Variants in RIC3 observed in about 807,000 individuals in gnomAD.
RIC3 encodes RIC3 acetylcholine receptor chaperone, also known as protein RIC-3.
A neutral mutation model predicts 27.3 loss-of-function variants in RIC3; 28 were observed. That is an observed-to-expected ratio of 1.02 (90% CI 0.76 to 1.41). The LOEUF is 1.41. RIC3 is among the 40% of genes most tolerant of loss of function. The pLI is 0.00. For missense variants in RIC3, 501 were observed against 444.7 expected (o/e 1.13, Z -1.14); for synonymous variants, 184 against 160.4 (o/e 1.15, Z -1.11).
chr11:8,129,720 A>G (rs1947456465), intron 4 of RIC3, among the ~76,000 whole-genome samples: 1 of 152,240 alleles, frequency 6.6e-6, no homozygotes, highest in East Asian at 1.9e-4. Context: ...AATACCATTC[A>G]TGGTTAGAAC....
At chr11:8,105,914 G>C (rs141824931), downstream of RIC3, 7 of 151,938 alleles carry the variant, frequency 4.6e-5, no homozygotes, top group East Asian at 1.4e-3. Context: ...GGTCAGGAGG[G>C]TGCAGTATCT....
At chr11:8,149,209 A>AT (rs971961817) in intron 1 of RIC3, among the ~76,000 whole-genome samples, 2 of 150,590 alleles carry the variant, frequency 1.3e-5, no homozygotes, top group Admixed American at 6.6e-5. Context: ...TAAATAAATA[A>AT]ATAATATAAT....
intron 2 of RIC3, chr11:8,139,722 A>G (rs1396164332): frequency 7.0e-6 from 3 of 426,020 alleles, no homozygotes; most frequent in African/African-American, 6.5e-5. Flanking sequence ...ATCCATGTTC[A>G]AGTCCTAGTT....
At chr11:8,120,469 C>T (rs56069405) in intron 5 of RIC3, among the ~76,000 whole-genome samples, 10,078 of 152,044 alleles carry the variant, frequency 0.066, 385 homozygotes, top group South Asian at 0.11. Context: ...TAGGTGGGAA[C>T]TGAACAATGA....
At chr11:8,138,475 C>A in intron 2 of RIC3, 128 bp from the exon 3 acceptor site, 3 of 552,378 alleles carry the variant, frequency 5.4e-6, no homozygotes, top group African/African-American at 1.9e-5. Flanking sequence ...CAAATAGCAA[C>A]ACTAGAGAAA....
chr11:8,149,388 G>C (rs1411641397), intron 1 of RIC3, among the ~76,000 whole-genome samples: 1 of 151,960 alleles, frequency 6.6e-6, no homozygotes, highest in African/African-American at 2.4e-5. Context: ...GCTCCATTTA[G>C]GGAAGTAAGA....
chr11:8,100,035 C>T, the RIC3 span, among the ~76,000 whole-genome samples: 1 of 152,142 alleles, frequency 6.6e-6, no homozygotes, highest in Non-Finnish European at 1.5e-5. Flanking sequence ...TGCCTGAGCA[C>T]TGGCTGCTGT....
At chr11:8,100,465 G>A in the RIC3 span, 1 of 1,546,228 alleles carries the variant, frequency 6.5e-7, no homozygotes, top group South Asian at 1.1e-5. Flanking sequence ...TAGGTAAATA[G>A]ACGCCTCAGG....
intron 1 of RIC3, among the ~76,000 whole-genome samples, chr11:8,145,081 G>A (rs1366082182): frequency 2.1e-5 from 3 of 145,000 alleles, no homozygotes; most frequent in Non-Finnish European, 3.0e-5. Flanking sequence ...CCTAATGCTA[G>A]ATGACGAGTT....
intron 1 of RIC3, among the ~76,000 whole-genome samples, chr11:8,140,762 ATCTATTTGTT>A (rs1948961067): frequency 6.6e-6 from 1 of 152,174 alleles, no homozygotes; most frequent in Non-Finnish European, 1.5e-5. Context: ...ACACTGTGGA[ATCTATTTGTT>A]ACAGCAGTTA....
chr11:8,151,542 C>T lies in RIC3; in HGVS notation c.125-11349G>A, dbSNP rs867149593. 2.4e-3 allele frequency among the ~76,000 whole-genome samples: 324 copies of T among 135,528 alleles called. 2 individuals are homozygous for T. Among genetic ancestry groups the T allele is most frequent in the African/African-American group, 8.9e-3 (297 of 33,422 alleles). The allele number at this position is 135,528 out of a possible 152,430, so 88.9% of individuals were successfully genotyped here. ...CGGAGCTTGCAGTGAGTCGAGATCG[C>T]GCCACTGCACTCCAGCCTGGGCGAC... On this transcript the variant is annotated intron_variant, in intron 1 of 5. Transcript: ENST00000309737.
intron 1 of RIC3, among the ~76,000 whole-genome samples, chr11:8,163,063 ACACACC>A (rs879488778): frequency 0.013 from 1,828 of 146,174 alleles, 31 homozygotes; most frequent in African/African-American, 0.039. Flanking sequence ...ACACACACAC[ACACACC>A]CCCCAAAACA....
rs916174728 is a variant in RIC3, at chr11:8,108,485, T to C, written c.*2213A>G. 6.6e-6 allele frequency: 1 copy of C among 152,224 alleles called. No individual in the cohort carries two copies. The highest frequency in any genetic ancestry group is 1.5e-5 in the Non-Finnish European group (1 of 68,044). 9.4% of individuals were successfully genotyped at this position (152,224 alleles called of 1,614,324 possible). ...TAATGAGTGGTTATCATGTATGAGCTAGAACCAATGCTGTTTTACACACAC... is the reference window on the plus strand; with the variant it reads ...TAATGAGTGGTTATCATGTATGAGCCAGAACCAATGCTGTTTTACACACAC... On this transcript the variant is annotated 3_prime_UTR_variant, in exon 6 of 6. Transcript: ENST00000309737.
At chr11:8,138,636 T>C (rs945949415) in intron 2 of RIC3, 3 of 386,828 alleles carry the variant, frequency 7.8e-6, no homozygotes, top group Admixed American at 4.4e-5. Context: ...GCAAAATTTA[T>C]TCAAGAACCT....
At position 8,140,028 on chromosome 11, in the gene RIC3, C is replaced by A. The variant is rs1948869280; in HGVS notation, c.290G>T (p.Gly97Val). 4 of 1,613,760 alleles carry A rather than the reference C, an allele frequency of 2.5e-6. No homozygotes were observed. Among genetic ancestry groups the A allele is most frequent in the Non-Finnish European group, 3.4e-6 (4 of 1,179,956 alleles). Residue 97 changes from glycine (G) to valine (V), a missense_variant, in exon 2 of 6, where the codon GGG becomes GTG. Gly to Val is a moderately radical substitution (Grantham distance 109, BLOSUM62 -3). Coordinates refer to ENST00000309737, the MANE Select transcript of RIC3 (RefSeq NM_001206671.4). The part of the protein sequence containing the change: ...GGGGSGRGLM[G>V]QIIPIYGFGI... ...AAAACCGTAGATTGGAATAATCTGC[C>A]CCATCAGACCTCTTCCACTACCTCC...
In RIC3 at chr11:8,111,070, G is replaced by A; in HGVS notation, c.738C>T (p.Ile246=). The change falls in exon 6 of 6, where the codon ATC becomes ATT. Residue 246 remains isoleucine, a synonymous_variant. Transcript: ENST00000309737. The part of the protein sequence containing the change: ...SDCIKRRQET[I]LVDYPDPKEL... Reference sequence around the variant, plus strand: ...CTTTTGGGTCAGGGTAATCCACCAAGATTGTTTCTTGCCTACGCTTGATAC... The same window carrying A: ...CTTTTGGGTCAGGGTAATCCACCAAAATTGTTTCTTGCCTACGCTTGATAC... 1 of 1,614,024 alleles carries A rather than the reference G, an allele frequency of 6.2e-7. No homozygotes were observed. Among genetic ancestry groups the A allele is most frequent in the Non-Finnish European group, 8.5e-7 (1 of 1,179,992 alleles).
the RIC3 span, chr11:8,095,680 GA>G: frequency 1.3e-6 from 2 of 1,576,872 alleles, no homozygotes; most frequent in Non-Finnish European, 1.7e-6. Flanking sequence ...GCCCCATGGG[GA>G]CCCAGTGATA....
chr11:8,140,412 T>G (rs1043824688), intron 1 of RIC3, among the ~76,000 whole-genome samples: 1 of 152,186 alleles, frequency 6.6e-6, no homozygotes, highest in African/African-American at 2.4e-5. Flanking sequence ...CTCTGGGTCC[T>G]TAGCTGGACC....
rs199958835 is a variant in RIC3, at chr11:8,164,781, CAA to C, written c.124+4083_124+4084del. Among the ~76,000 whole-genome samples, 609 of 83,984 alleles carry C rather than the reference CAA, an allele frequency of 7.3e-3. 4 individuals are homozygous for C. The highest frequency in any genetic ancestry group is 0.022 in the African/African-American group (566 of 26,006). 55.1% of individuals were successfully genotyped at this position (83,984 alleles called of 152,430 possible). On this transcript the variant is annotated intron_variant, in intron 1 of 5. Coordinates refer to ENST00000309737, the MANE Select transcript of RIC3 (RefSeq NM_001206671.4). ...CACCAGAGTGAGACCCTGTCTCTCT[CAA>C]AAAAAAAAAAAAAAAAAAAAAAAAG...
Sources: allele counts gnomAD v4.1 joint callset (sites outside exome capture counted in the v4.1 genomes callset), GRCh38; gene constraint gnomAD v4.1.1; transcripts MANE v1.5; gene names NCBI Gene and HGNC (gene_info 2026-07-23, HGNC 2026-07-21).